The following CORO7 variants were observed in gnomAD, a reference collection of about 807,000 sequenced individuals.
CORO7 encodes coronin 7.
In CORO7, 107 loss-of-function variants were observed where a neutral mutation model predicts 126.6. The observed-to-expected ratio is 0.85, with a 90% CI of 0.72 to 0.99. CORO7 has a LOEUF of 0.99. Ranked by LOEUF, CORO7 falls within the 50% of genes least tolerant of loss-of-function variation. The pLI, the probability that CORO7 is intolerant of heterozygous loss-of-function variation, is 0.00. For missense variants in CORO7, 1,314 were observed against 1,255.8 expected, an observed-to-expected ratio of 1.05 and a Z score of -0.70; for synonymous variants, 603 against 536.8, an observed-to-expected ratio of 1.12 and a Z score of -1.70.
At chr16:4,392,868 C>T (rs1341357584) in intron 7 of CORO7, among the ~76,000 whole-genome samples, 1 of 152,246 alleles carries the variant, frequency 6.6e-6, no homozygotes, top group African/African-American at 2.4e-5. Flanking sequence ...CAGGCCCCAG[C>T]CAGCAGCTGG....
chr16:4,410,956 G>A (rs913012320), intron 3 of CORO7, among the ~76,000 whole-genome samples: 1 of 152,256 alleles, frequency 6.6e-6, no homozygotes, highest in Non-Finnish European at 1.5e-5. Context: ...GAGGCAGGAA[G>A]CAGATCAGCT....
At chr16:4,408,835 C>T (rs1443603249) in intron 3 of CORO7, among the ~76,000 whole-genome samples, 1 of 152,118 alleles carries the variant, frequency 6.6e-6, no homozygotes, top group East Asian at 1.9e-4. Flanking sequence ...TGGTGGCGGG[C>T]GCCTATAGTC....
chr16:4,399,920 T>C (rs1303589123), intron 6 of CORO7, among the ~76,000 whole-genome samples: 2 of 152,096 alleles, frequency 1.3e-5, no homozygotes, highest in African/African-American at 4.8e-5. Flanking sequence ...CCCACAAAAA[T>C]ACATTGCTAA....
chr16:4,385,537 C>T (rs1278181826), intron 9 of CORO7, among the ~76,000 whole-genome samples: 2 of 152,170 alleles, frequency 1.3e-5, no homozygotes, highest in Admixed American at 6.5e-5. Context: ...AAAGCATGAG[C>T]TGTTCCTTCA....
chr16:4,395,897 G>A (rs1487549357), intron 6 of CORO7, among the ~76,000 whole-genome samples: 2 of 152,048 alleles, frequency 1.3e-5, no homozygotes, highest in Non-Finnish European at 2.9e-5. Context: ...AAGGGAGGAT[G>A]GAAACAGACA....
rs1056596234 is a variant in CORO7, at chr16:4,381,648, C to T, written c.785+6338G>A. ...ACACCCGCATTGCCCAGCTGCGGCCCGAGGACCTGGCCGGCCTGGCTGCCC... is the reference window on the plus strand; with the variant it reads ...ACACCCGCATTGCCCAGCTGCGGCCTGAGGACCTGGCCGGCCTGGCTGCCC... On this transcript the variant is annotated intron_variant, in intron 9 of 27. Transcript: ENST00000251166. The T allele has an allele frequency of 7.5e-6, 12 of 1,601,238 alleles. No individual in the cohort carries two copies. The Admixed American group carries it at 8.5e-5, about 11-fold the overall frequency.
intron 21 of CORO7, 50 bp downstream of exon 21, chr16:4,360,228 G>A (rs1212201383): frequency 5.6e-6 from 9 of 1,609,908 alleles, no homozygotes; most frequent in Non-Finnish European, 7.6e-6. Flanking sequence ...TGGAGAAGGG[G>A]GACACAGGTG....
At chr16:4,382,068 ACCGACTGTAGGG>A in intron 9 of CORO7, 1 of 1,587,106 alleles carries the variant, frequency 6.3e-7, no homozygotes, top group South Asian at 1.1e-5. Context: ...CCACTGCCCC[ACCGACTGTAGGG>A]CCTGTCCCCC....
Position 4,412,428 on chromosome 16 carries a change from C to CACCT in CORO7, c.158-2_159dup (p.Val54ArgfsTer37). On this transcript the variant is annotated frameshift_variant and splice_region_variant, in exon 3 of 28. Transcript: ENST00000251166. LOFTEE classifies it high-confidence loss of function. ...CCTTGCAGAGGCACAATGCCCAGTA[C>CACCT]ACCTGTTAAACAAACACGGGGACTC... 1 of 1,614,214 alleles carries CACCT rather than the reference C, an allele frequency of 6.2e-7. No individual in the cohort carries two copies. Among genetic ancestry groups the CACCT allele is most frequent in the Non-Finnish European group, 8.5e-7 (1 of 1,180,030 alleles).
Position 4,362,009 on chromosome 16 carries a change from G to A in CORO7, c.1554C>T (p.Ser518=), listed in dbSNP as rs1226976441. 23 of 1,610,328 alleles carry A rather than the reference G, an allele frequency of 1.4e-5. No individual in the cohort carries two copies. Among genetic ancestry groups the A allele is most frequent in the Middle Eastern group, 3.3e-4 (2 of 6,070 alleles). ...KLRVAVPLLS[S]GGQVAVLELR... is the part of the protein sequence containing the mutation. ...CCTCAAGCACAGCCACCTGTCCCCC[G>A]CTGCTGAGCAGCGGCACGGCCACAC... Residue 518 remains serine, a synonymous_variant, in exon 16 of 28, where the codon AGC becomes AGT. Coordinates refer to ENST00000251166, the MANE Select transcript of CORO7 (RefSeq NM_024535.5). The surrounding 1 kb of genome is among the most constrained non-coding windows in gnomAD (Gnocchi z 5.3).
chr16:4,362,491 G>A lies in CORO7; in HGVS notation c.1402+121C>T. 1 of 1,438,794 alleles carries A rather than the reference G, an allele frequency of 7.0e-7. No individual in the cohort carries two copies. Among genetic ancestry groups the A allele is most frequent in the Middle Eastern group, 1.9e-4 (1 of 5,334 alleles). The allele number at this position is 1,438,794 out of a possible 1,614,324, so 89.1% of individuals were successfully genotyped here. ...GACAAATGACCCTGCCAGTGAGTCT[G>A]GGTGAGGGGGGTGCCCTGCATGAGG... On this transcript the variant is annotated intron_variant, in intron 15 of 27. Coordinates refer to ENST00000251166, the MANE Select transcript of CORO7 (RefSeq NM_024535.5). The surrounding 1 kb of genome is among the most constrained non-coding windows in gnomAD (Gnocchi z 5.3).
rs949997676 is a variant in CORO7 at position 4,395,315 on chromosome 16, G to T, written c.589C>A (p.Pro197Thr). The change falls in exon 7 of 28, where the codon CCC (proline) becomes ACC (threonine). Residue 197 changes from proline (P) to threonine (T), a missense_variant. Transcript: ENST00000251166. ...TGAGAGGCCCGCGGCTTTGTTCTGGGGTCAAAGATCCGCAGCTGCTTGTCC... is the reference window on the plus strand; with the variant it reads ...TGAGAGGCCCGCGGCTTTGTTCTGGTGTCAAAGATCCGCAGCTGCTTGTCC... ...CKDKQLRIFD[P>T]RTKPRASQST... is the part of the protein sequence containing the mutation. 1 of 1,614,038 alleles carries T rather than the reference G, an allele frequency of 6.2e-7. No individual in the cohort carries two copies. The highest frequency in any genetic ancestry group is 8.5e-7 in the Non-Finnish European group (1 of 1,180,000).
At position 4,368,518 on chromosome 16, in the gene CORO7, G is replaced by C. The variant is rs184590624; in HGVS notation, c.786-2973C>G. Among the ~76,000 whole-genome samples, 359 of 151,852 alleles carry C rather than the reference G, an allele frequency of 2.4e-3. 1 individual carries two copies. Among genetic ancestry groups the C allele is most frequent in the Non-Finnish European group, 3.6e-3 (247 of 67,920 alleles). ...CACATCTGTAATCCCAGCACTTTGGGAGGCCGATCACTTTGGGTCAGGAGT... is the reference window on the plus strand; with the variant it reads ...CACATCTGTAATCCCAGCACTTTGGCAGGCCGATCACTTTGGGTCAGGAGT... On this transcript the variant is annotated intron_variant, in intron 9 of 27. Transcript: ENST00000251166.
intron 9 of CORO7, chr16:4,387,676 T>A (rs1372596793): frequency 6.8e-6 from 3 of 440,714 alleles, no homozygotes; most frequent in Non-Finnish European, 1.2e-5. Flanking sequence ...ATTCTTGCAC[T>A]TCTGGATCAC....
intron 3 of CORO7, among the ~76,000 whole-genome samples, chr16:4,411,590 G>A (rs190326484): frequency 6.6e-5 from 10 of 152,194 alleles, no homozygotes; most frequent in East Asian, 1.9e-4. Flanking sequence ...CTCAGCTAAC[G>A]TACTTAGTAC....
At chr16:4,375,244 G>A (rs1567265873) in intron 9 of CORO7, among the ~76,000 whole-genome samples, 2 of 152,188 alleles carry the variant, frequency 1.3e-5, no homozygotes, top group African/African-American at 4.8e-5. Flanking sequence ...GCACCCACCT[G>A]GGGCCGGGCC....
At chr16:4,393,248 C>G (rs2055461442) in intron 7 of CORO7, among the ~76,000 whole-genome samples, 1 of 152,184 alleles carries the variant, frequency 6.6e-6, no homozygotes, top group Non-Finnish European at 1.5e-5. Flanking sequence ...GGGGAAGCCT[C>G]TGTGGCACCT....
At chr16:4,367,214 C>T (rs530793012) in intron 9 of CORO7, among the ~76,000 whole-genome samples, 1 of 152,336 alleles carries the variant, frequency 6.6e-6, no homozygotes, top group South Asian at 2.1e-4. Flanking sequence ...CCGGGCTCAG[C>T]AATGCCCTTT....
intron 6 of CORO7, among the ~76,000 whole-genome samples, chr16:4,395,789 C>T (rs901599989): frequency 2.6e-5 from 4 of 152,196 alleles, no homozygotes; most frequent in African/African-American, 4.8e-5. Context: ...GCTCATATGA[C>T]GACCTCATTT....
Sources: allele counts gnomAD v4.1 joint callset (sites outside exome capture counted in the v4.1 genomes callset), GRCh38; gene constraint gnomAD v4.1.1; non-coding constraint Gnocchi (gnomAD v3.1); transcripts MANE v1.5; gene names NCBI Gene and HGNC (gene_info 2026-07-23, HGNC 2026-07-21).